The following DLG2 variants were observed in gnomAD, a reference collection of about 807,000 sequenced individuals.
DLG2 encodes the protein disks large homolog 2.
Under a neutral mutation model 132.5 loss-of-function variants are expected in DLG2, and 45 were observed. The observed-to-expected ratio is 0.34, with a 90% confidence interval of 0.27 to 0.44. The LOEUF (loss-of-function observed/expected upper bound fraction) is 0.44. Ranked by LOEUF, DLG2 falls within the 20% of genes least tolerant of loss-of-function variation. The probability of loss-of-function intolerance (pLI) is 1.00; values close to 1 mark genes in which losing one functional copy is unlikely to be tolerated. For synonymous variants in DLG2, 424 were observed against 419.6 expected (o/e 1.01, Z -0.13); for missense variants, 1,045 against 1,196.9 (o/e 0.87, Z 1.87).
chr11:83,977,846 T>C (rs2092409995), intron 12 of DLG2, among the ~76,000 whole-genome samples: 1 of 152,078 alleles, frequency 6.6e-6, no homozygotes, highest in Non-Finnish European at 1.5e-5. Flanking sequence ...ATTCTACTTT[T>C]AATACATACT....
intron 6 of DLG2, among the ~76,000 whole-genome samples, chr11:85,022,038 T>A (rs2060120370): frequency 1.3e-5 from 2 of 152,180 alleles, no homozygotes; most frequent in South Asian, 4.1e-4. Flanking sequence ...TCCTAGCCTT[T>A]CAAAAAATTG....
chr11:85,167,528 T>C (rs1476555783), intron 4 of DLG2, among the ~76,000 whole-genome samples: 3 of 152,046 alleles, frequency 2.0e-5, no homozygotes, highest in African/African-American at 4.8e-5. Context: ...GGAACCCTCC[T>C]AATACCCAGA....
intron 16 of DLG2, among the ~76,000 whole-genome samples, chr11:83,852,397 T>A: frequency 6.6e-6 from 1 of 152,196 alleles, no homozygotes; most frequent in Non-Finnish European, 1.5e-5. Flanking sequence ...ACCAGGTGCC[T>A]GGGCAGAAAG....
chr11:83,608,751 A>AAG (rs35660113), intron 19 of DLG2, among the ~76,000 whole-genome samples: 7,545 of 151,270 alleles, frequency 0.05, 319 homozygotes, highest in South Asian at 0.11. Flanking sequence ...GAGAGAGAGA[A>AAG]AGAGAGAGAG....
intron 3 of DLG2, among the ~76,000 whole-genome samples, chr11:85,581,099 C>T (rs1356969506): frequency 4.6e-5 from 7 of 152,098 alleles, no homozygotes; most frequent in South Asian, 2.1e-4. Context: ...CTCTTCCTAC[C>T]GGGCCCTGAT....
At chr11:83,767,656 G>A (rs937802181) in intron 18 of DLG2, among the ~76,000 whole-genome samples, 1 of 152,136 alleles carries the variant, frequency 6.6e-6, no homozygotes, top group African/African-American at 2.4e-5. Flanking sequence ...AACAATCATA[G>A]CCCCTATCTC....
chr11:85,431,329 C>A (rs2091168196), intron 3 of DLG2, among the ~76,000 whole-genome samples: 2 of 152,116 alleles, frequency 1.3e-5, no homozygotes, highest in South Asian at 2.1e-4. Flanking sequence ...GGAGCCCCCA[C>A]CCCCAGCCAA....
At chr11:84,693,095 A>G (rs2058226995) in intron 6 of DLG2, among the ~76,000 whole-genome samples, 1 of 151,750 alleles carries the variant, frequency 6.6e-6, no homozygotes, top group Non-Finnish European at 1.5e-5. Flanking sequence ...TTAGTTTCTC[A>G]AATGGTCTGT....
At chr11:84,903,033 A>T (rs10898322) in intron 6 of DLG2, among the ~76,000 whole-genome samples, 72,142 of 151,826 alleles carry the variant, frequency 0.48, 17,701 homozygotes, top group South Asian at 0.62. Context: ...TCTTAACTCT[A>T]TTCATCATTT....
chr11:84,710,005 A>G (rs956592464), intron 6 of DLG2, among the ~76,000 whole-genome samples: 6 of 151,954 alleles, frequency 3.9e-5, no homozygotes, highest in Non-Finnish European at 8.8e-5. Flanking sequence ...CTGAAGTATG[A>G]GACTACTTTT....
intron 18 of DLG2, among the ~76,000 whole-genome samples, chr11:83,767,217 T>C (rs1385046302): frequency 1.3e-5 from 2 of 152,206 alleles, no homozygotes; most frequent in South Asian, 2.1e-4. Context: ...GTTCTTTTTT[T>C]AGGATAAAAT....
intron 6 of DLG2, among the ~76,000 whole-genome samples, chr11:84,932,008 C>T (rs1371840714): frequency 1.3e-5 from 2 of 152,132 alleles, no homozygotes; most frequent in Non-Finnish European, 2.9e-5. Context: ...CTTACACATG[C>T]TTATTATTAG....
chr11:85,153,744 TA>T (rs1162365161), intron 5 of DLG2, among the ~76,000 whole-genome samples: 1 of 152,120 alleles, frequency 6.6e-6, no homozygotes, highest in Non-Finnish European at 1.5e-5. Flanking sequence ...ATCAACTCAA[TA>T]AAATAAATGC....
At chr11:83,779,263 G>C in intron 18 of DLG2, among the ~76,000 whole-genome samples, 1 of 151,970 alleles carries the variant, frequency 6.6e-6, no homozygotes, top group Non-Finnish European at 1.5e-5. Context: ...AGGTAGGATG[G>C]AAAGAGAAAA....
chr11:85,396,920 AAGG>A (rs1259052744), intron 3 of DLG2, among the ~76,000 whole-genome samples: 3 of 152,230 alleles, frequency 2.0e-5, no homozygotes, highest in Non-Finnish European at 2.9e-5. Flanking sequence ...TTCAGGAAAT[AAGG>A]AGAACACCAC....
intron 20 of DLG2, among the ~76,000 whole-genome samples, chr11:83,534,504 C>G (rs1267134538): frequency 2.0e-5 from 3 of 152,262 alleles, no homozygotes; most frequent in African/African-American, 4.8e-5. Context: ...CTTTTGTGTT[C>G]CCAACTGAAA....
At chr11:85,145,084 G>A (rs1175028105) in intron 5 of DLG2, among the ~76,000 whole-genome samples, 2 of 151,898 alleles carry the variant, frequency 1.3e-5, no homozygotes, top group Non-Finnish European at 2.9e-5. Context: ...TATTTTCCCT[G>A]GATATGCTAT....
intron 6 of DLG2, among the ~76,000 whole-genome samples, chr11:84,676,460 G>A (rs1265270405): frequency 6.6e-6 from 1 of 151,992 alleles, no homozygotes; most frequent in Non-Finnish European, 1.5e-5. Context: ...AGATCATATG[G>A]CACAGCTATG....
intron 6 of DLG2, among the ~76,000 whole-genome samples, chr11:84,900,719 T>G (rs2090778382): frequency 6.6e-6 from 1 of 152,082 alleles, no homozygotes; most frequent in African/African-American, 2.4e-5. Context: ...AGCTCTTCAA[T>G]TCACTTTTCA....
Sources: allele counts gnomAD v4.1 joint callset (sites outside exome capture counted in the v4.1 genomes callset), GRCh38; gene constraint gnomAD v4.1.1; transcripts MANE v1.5; gene names NCBI Gene and HGNC (gene_info 2026-07-23, HGNC 2026-07-21).